The following PCDH15 variants were observed in gnomAD, a reference collection of about 807,000 sequenced individuals.
PCDH15 encodes protocadherin-15.
PCDH15 carries 129 observed loss-of-function variants against 178.5 expected under a neutral mutation model. That is an observed-to-expected ratio of 0.72 (90% CI 0.63 to 0.84). The LOEUF (loss-of-function observed/expected upper bound fraction) is 0.84, where lower values mean the gene tolerates loss of function less well. Among genes scored for constraint, PCDH15 ranks in the 40% least tolerant of loss-of-function variants. PCDH15 has a pLI of 0.00. For missense variants in PCDH15, 2,230 were observed against 2,099.9 expected (o/e 1.06, Z -1.21); for synonymous variants, 800 against 732.0 (o/e 1.09, Z -1.50).
intron 23 of PCDH15, among the ~76,000 whole-genome samples, chr10:53,958,596 C>T (rs1414707132): frequency 6.6e-6 from 1 of 152,034 alleles, no homozygotes; most frequent in Non-Finnish European, 1.5e-5. Flanking sequence ...AAGGCAGCTG[C>T]CTATTAAGAC....
chr10:54,517,479 G>A (rs948384367), intron 3 of PCDH15, among the ~76,000 whole-genome samples: 66 of 151,996 alleles, frequency 4.3e-4, no homozygotes, highest in Non-Finnish European at 6.3e-4. Flanking sequence ...ATTACATAAT[G>A]GTAAAGGGAT....
intron 2 of PCDH15, among the ~76,000 whole-genome samples, chr10:55,490,026 C>T (rs777054286): frequency 6.6e-6 from 1 of 151,558 alleles, no homozygotes; most frequent in Non-Finnish European, 1.5e-5. Context: ...AACTTGTCCA[C>T]CCAAAACAAA....
chr10:54,063,898 G>T (rs1401022868), intron 18 of PCDH15, among the ~76,000 whole-genome samples: 3 of 152,188 alleles, frequency 2.0e-5, no homozygotes. Flanking sequence ...TGGATGAGGG[G>T]CTCCCTGAAG....
intron 5 of PCDH15, among the ~76,000 whole-genome samples, chr10:54,348,871 G>T (rs2583026): frequency 0.55 from 83,546 of 151,912 alleles, 23,798 homozygotes; most frequent in African/African-American, 0.63. Context: ...ACTGTCTGCT[G>T]CAATTACTTC....
At chr10:54,594,664 C>T (rs545620781) in intron 2 of PCDH15, among the ~76,000 whole-genome samples, 4 of 152,314 alleles carry the variant, frequency 2.6e-5, no homozygotes, top group African/African-American at 9.6e-5. Flanking sequence ...CATCTCTTTG[C>T]CTGTACATGT....
chr10:54,436,261 GTTTT>G (rs146022019), intron 3 of PCDH15, among the ~76,000 whole-genome samples: 4,018 of 150,856 alleles, frequency 0.027, 173 homozygotes, highest in African/African-American at 0.093. Context: ...CATTTAATGG[GTTTT>G]TTTTTGTTTG....
chr10:54,981,309 A>T (rs1313240561), intron 2 of PCDH15, among the ~76,000 whole-genome samples: 1 of 152,076 alleles, frequency 6.6e-6, no homozygotes, highest in Non-Finnish European at 1.5e-5. Flanking sequence ...TGCCATACCA[A>T]ATTCCATCAC....
At chr10:54,571,154 G>C (rs116037311) in intron 2 of PCDH15, among the ~76,000 whole-genome samples, 1,965 of 152,076 alleles carry the variant, frequency 0.013, 43 homozygotes, top group African/African-American at 0.045. Context: ...ATGTAGAGTG[G>C]AGGGCCTCGA....
At chr10:55,288,083 T>C (rs921178427) in intron 1 of PCDH15, among the ~76,000 whole-genome samples, 2 of 150,110 alleles carry the variant, frequency 1.3e-5, no homozygotes, top group Non-Finnish European at 3.0e-5. Context: ...TATTAATTTA[T>C]ATATATATGT....
chr10:54,038,896 C>T (rs1435820605), intron 18 of PCDH15, among the ~76,000 whole-genome samples: 1 of 151,920 alleles, frequency 6.6e-6, no homozygotes, highest in African/African-American at 2.4e-5. Flanking sequence ...AATGAAACAG[C>T]CAGCTACATT....
At chr10:54,122,013 A>ACACACACACACACT (rs1437516629) in intron 15 of PCDH15, among the ~76,000 whole-genome samples, 2 of 146,974 alleles carry the variant, frequency 1.4e-5, no homozygotes, top group African/African-American at 5.4e-5. Flanking sequence ...ACACACACAC[A>ACACACACACACACT]CACACACACA....
intron 1 of PCDH15, among the ~76,000 whole-genome samples, chr10:54,731,131 T>C (rs901043435): frequency 6.6e-6 from 1 of 151,302 alleles, no homozygotes; most frequent in Non-Finnish European, 1.5e-5. Flanking sequence ...GACATACAAA[T>C]GGCCCACAGT....
intron 3 of PCDH15, among the ~76,000 whole-genome samples, chr10:54,872,324 A>G (rs1954054069): frequency 6.6e-6 from 1 of 152,096 alleles, no homozygotes; most frequent in Non-Finnish European, 1.5e-5. Context: ...AAAATACTAG[A>G]GCTGAATAGC....
chr10:55,242,041 A>C (rs1841556562), intron 1 of PCDH15, among the ~76,000 whole-genome samples: 1 of 152,218 alleles, frequency 6.6e-6, no homozygotes. Flanking sequence ...TAGATAAGCC[A>C]AGATAATCCA....
At chr10:55,166,314 G>C (rs1839195501) in intron 2 of PCDH15, among the ~76,000 whole-genome samples, 1 of 152,090 alleles carries the variant, frequency 6.6e-6, no homozygotes, top group South Asian at 2.1e-4. Context: ...AGGTTTGCTT[G>C]TTTTAAATGT....
intron 2 of PCDH15, among the ~76,000 whole-genome samples, chr10:55,497,098 G>A (rs1269532716): frequency 3.3e-5 from 5 of 151,850 alleles, no homozygotes; most frequent in South Asian, 2.1e-4. Flanking sequence ...AAAAATTAAA[G>A]GAGGTAATAA....
intron 3 of PCDH15, among the ~76,000 whole-genome samples, chr10:54,889,120 C>T (rs1031816227): frequency 1.3e-5 from 2 of 151,754 alleles, no homozygotes; most frequent in Non-Finnish European, 2.9e-5. Context: ...TGATGACTCC[C>T]AAAATTTAAG....
intron 2 of PCDH15, among the ~76,000 whole-genome samples, chr10:54,534,236 C>T (rs2084242686): frequency 6.6e-6 from 1 of 152,022 alleles, no homozygotes; most frequent in African/African-American, 2.4e-5. Context: ...AAACCCTCAG[C>T]TCTCCCAAAT....
At chr10:55,224,850 C>T (rs551437603) in intron 1 of PCDH15, among the ~76,000 whole-genome samples, 1 of 152,154 alleles carries the variant, frequency 6.6e-6, no homozygotes, top group African/African-American at 2.4e-5. Flanking sequence ...ATTCTCACTT[C>T]TGAAGCTTTT....
Sources: gnomAD v4.1 joint callset for allele counts (sites outside exome capture counted in the v4.1 genomes callset) on GRCh38, gnomAD v4.1.1 for gene constraint, MANE v1.5 for transcripts, NCBI Gene and HGNC (gene_info 2026-07-23, HGNC 2026-07-21) for gene names.